The following SH3GL3 variants were observed in gnomAD, a reference collection of about 807,000 sequenced individuals.
The protein encoded by SH3GL3 is SH3 domain containing GRB2 like 3, endophilin A3.
A neutral mutation model predicts 47.7 loss-of-function variants in SH3GL3; 33 were observed. The ratio of observed to expected loss-of-function variants is 0.69; its 90% CI spans 0.52 to 0.92. SH3GL3 has a LOEUF of 0.92. Among genes scored for constraint, SH3GL3 ranks in the 40% least tolerant of loss-of-function variants. SH3GL3 has a pLI of 0.00. For synonymous variants in SH3GL3, 155 were observed against 148.8 expected (o/e 1.04, Z -0.30); for missense variants, 363 against 417.8 (o/e 0.87, Z 1.14).
At chr15:83,629,238 A>T in the SH3GL3 span, among the ~76,000 whole-genome samples, 16 of 152,328 alleles carry the variant, frequency 1.1e-4, no homozygotes, top group Middle Eastern at 3.4e-3. Context: ...CTAAAATTAT[A>T]CAGAAATCCA....
chr15:83,631,540 A>G, the SH3GL3 span, among the ~76,000 whole-genome samples: 2 of 152,152 alleles, frequency 1.3e-5, no homozygotes, highest in Non-Finnish European at 2.9e-5. Context: ...TCAACTCTTG[A>G]CTTCTGTGCA....
chr15:83,627,291 G>A, the SH3GL3 span, among the ~76,000 whole-genome samples: 1 of 151,912 alleles, frequency 6.6e-6, no homozygotes, highest in South Asian at 2.1e-4. Context: ...AAGCTACTGG[G>A]GAGGCTGAGG....
intron 1 of SH3GL3, among the ~76,000 whole-genome samples, chr15:83,506,695 T>C (rs1379073779): frequency 6.6e-6 from 1 of 152,230 alleles, no homozygotes; most frequent in Non-Finnish European, 1.5e-5. Flanking sequence ...AATCTTTTTA[T>C]GTCCCTCAGA....
intron 1 of SH3GL3, among the ~76,000 whole-genome samples, chr15:83,475,990 A>T (rs1390852644): frequency 6.6e-6 from 1 of 152,218 alleles, no homozygotes; most frequent in Admixed American, 6.5e-5. Context: ...GTGAGTATTG[A>T]TCATAATACT....
At chr15:83,597,661 G>A (rs1023661459) in intron 8 of SH3GL3, among the ~76,000 whole-genome samples, 1 of 151,718 alleles carries the variant, frequency 6.6e-6, no homozygotes, top group African/African-American at 2.4e-5. Context: ...CCAGGCTGGA[G>A]TGCAATGGTA....
intron 1 of SH3GL3, among the ~76,000 whole-genome samples, chr15:83,533,118 G>A (rs1024268178): frequency 1.3e-5 from 2 of 152,208 alleles, no homozygotes; most frequent in South Asian, 2.1e-4. Flanking sequence ...CATAGGTTGA[G>A]AAATGAATGG....
At chr15:83,614,879 C>G (rs1340178148) in intron 8 of SH3GL3, among the ~76,000 whole-genome samples, 2 of 152,184 alleles carry the variant, frequency 1.3e-5, no homozygotes, top group Admixed American at 6.5e-5. Flanking sequence ...TGTCACCTCT[C>G]TACCCCTCCC....
At chr15:83,590,775 T>A (rs1285593958) in intron 8 of SH3GL3, among the ~76,000 whole-genome samples, 2 of 152,226 alleles carry the variant, frequency 1.3e-5, no homozygotes, top group African/African-American at 4.8e-5. Context: ...TGTTTACATT[T>A]TTACTGTTGA....
chr15:83,568,110 G>A (rs1432187132), intron 3 of SH3GL3, among the ~76,000 whole-genome samples: 5 of 151,894 alleles, frequency 3.3e-5, no homozygotes, highest in Non-Finnish European at 4.4e-5. Flanking sequence ...AGCCTCCCGA[G>A]TAGCTAGGAT....
intron 1 of SH3GL3, among the ~76,000 whole-genome samples, chr15:83,456,494 T>C (rs1014289089): frequency 2.8e-5 from 2 of 72,166 alleles, no homozygotes; most frequent in African/African-American, 9.5e-5. Context: ...GAGCCAGGTG[T>C]GGGATATAGT....
At chr15:83,529,494 A>G (rs930428480) in intron 1 of SH3GL3, among the ~76,000 whole-genome samples, 2 of 151,926 alleles carry the variant, frequency 1.3e-5, no homozygotes, top group African/African-American at 4.8e-5. Flanking sequence ...GAGTACAAAG[A>G]TACCAGTGGT....
intron 3 of SH3GL3, among the ~76,000 whole-genome samples, chr15:83,567,520 G>A (rs936495640): frequency 1.3e-5 from 2 of 152,152 alleles, no homozygotes; most frequent in Non-Finnish European, 2.9e-5. Context: ...GTAAGACGCA[G>A]TGATGCGCAT....
chr15:83,622,104 T>A (rs1567044896), downstream of SH3GL3, among the ~76,000 whole-genome samples: 1 of 152,238 alleles, frequency 6.6e-6, no homozygotes. Flanking sequence ...CCAAACATTT[T>A]ACCTGAATAA....
intron 1 of SH3GL3, among the ~76,000 whole-genome samples, chr15:83,532,792 A>G (rs1310740422): frequency 6.6e-6 from 1 of 152,218 alleles, no homozygotes; most frequent in Non-Finnish European, 1.5e-5. Flanking sequence ...ATTCCTTATA[A>G]TCTCAAGCTG....
At chr15:83,581,242 G>T (rs1214125081) in intron 6 of SH3GL3, among the ~76,000 whole-genome samples, 1 of 152,198 alleles carries the variant, frequency 6.6e-6, no homozygotes. Flanking sequence ...GTACTTCCTA[G>T]GGTTTTCTGG....
the SH3GL3 span, among the ~76,000 whole-genome samples, chr15:83,632,646 G>A: frequency 3.9e-5 from 6 of 152,172 alleles, no homozygotes; most frequent in South Asian, 2.1e-4. Context: ...AGTGAAGGTC[G>A]GGGAAATCCC....
chr15:83,475,515 A>G (rs1220783467), intron 1 of SH3GL3, among the ~76,000 whole-genome samples: 1 of 152,150 alleles, frequency 6.6e-6, no homozygotes. Context: ...AATAAAAAAT[A>G]AAAAGTTAAC....
intron 1 of SH3GL3, among the ~76,000 whole-genome samples, chr15:83,521,815 G>A (rs990819811): frequency 1.3e-5 from 2 of 152,188 alleles, no homozygotes; most frequent in Non-Finnish European, 2.9e-5. Context: ...GGAATTAATG[G>A]CAAATAAAGG....
intron 1 of SH3GL3, among the ~76,000 whole-genome samples, chr15:83,470,606 C>T (rs2040786707): frequency 6.6e-6 from 1 of 152,182 alleles, no homozygotes; most frequent in Admixed American, 6.5e-5. Context: ...TTAACTGGTG[C>T]ATGTAGACCA....
Sources: gnomAD v4.1 joint callset for allele counts (sites outside exome capture counted in the v4.1 genomes callset) on GRCh38, gnomAD v4.1.1 for gene constraint, MANE v1.5 for transcripts, NCBI Gene and HGNC (gene_info 2026-07-23, HGNC 2026-07-21) for gene names.